CASD1: variants seen among roughly 807,000 people sequenced by gnomAD.
CASD1 encodes N-acetylneuraminate (7)9-O-acetyltransferase.
In CASD1, 41 loss-of-function variants were observed where a neutral mutation model predicts 100.0. The observed-to-expected ratio is 0.41, with a 90% CI of 0.32 to 0.53. The LOEUF is 0.53. Among genes scored for constraint, CASD1 ranks in the 20% least tolerant of loss-of-function variants. CASD1 has a pLI of 0.25. For synonymous variants in CASD1, 321 were observed against 315.6 expected (o/e 1.02, Z -0.18); for missense variants, 774 against 948.7 (o/e 0.82, Z 2.42).
At chr7:94,628,406 C>A in the CASD1 span, 1 of 1,494,790 alleles carries the variant, frequency 6.7e-7, no homozygotes, top group Non-Finnish European at 9.3e-7. Context: ...TATTTTCACA[C>A]ATGTTGCTTT....
chr7:94,630,025 ATGGG>A, the CASD1 span: 1 of 600,656 alleles, frequency 1.7e-6, no homozygotes, highest in Non-Finnish European at 2.8e-6. Flanking sequence ...TCAGGACAAA[ATGGG>A]AAAAAATTCT....
At position 94,545,686 on chromosome 7, in the gene CASD1, C is replaced by A. The variant is rs1562947241; in HGVS notation, c.1618C>A (p.Gln540Lys). 9 of 1,573,602 alleles carry A rather than the reference C, an allele frequency of 5.7e-6. No individual in the cohort carries two copies. The Admixed American group carries it at 7.3e-5, about 13-fold the overall frequency. ...VTLALWPQII[Q>K]KKANGNCFWH... is the part of the protein sequence containing the mutation. Reference sequence around the variant, plus strand: ...TTTAGCACTATGGCCACAAATAATCCAAAAAAAAGCAAACGGTAAATATAC... The same window carrying A: ...TTTAGCACTATGGCCACAAATAATCAAAAAAAAAGCAAACGGTAAATATAC... Residue 540 changes from glutamine to lysine, a missense_variant, in exon 12 of 18, where the codon CAA (glutamine) becomes AAA (lysine). Gln to Lys is a moderately conservative substitution (Grantham distance 53, BLOSUM62 1). Coordinates refer to ENST00000297273, the MANE Select transcript of CASD1 (RefSeq NM_022900.5).
intron 7 of CASD1, among the ~76,000 whole-genome samples, chr7:94,534,066 G>A (rs999749589): frequency 3.3e-5 from 5 of 150,428 alleles, no homozygotes; most frequent in African/African-American, 7.3e-5. Context: ...AGTCCTAAAC[G>A]CAAATGACAT....
At chr7:94,585,374 T>G in the CASD1 span, 2 of 856,094 alleles carry the variant, frequency 2.3e-6, no homozygotes, top group Non-Finnish European at 4.0e-6. Flanking sequence ...TGGTATACAC[T>G]TAATACTGCC....
the CASD1 span, among the ~76,000 whole-genome samples, chr7:94,579,269 A>T: frequency 1.3e-5 from 2 of 151,704 alleles, no homozygotes; most frequent in Non-Finnish European, 2.9e-5. Context: ...AGGCCAGTTT[A>T]TCTCAATCTT....
chr7:94,544,263 A>G (rs1268983824), intron 10 of CASD1, 148 bp from the exon 11 acceptor site: 1 of 951,570 alleles, frequency 1.1e-6, no homozygotes, highest in East Asian at 2.7e-5. Context: ...TCCTTGCTAT[A>G]ATGACTAACT....
the CASD1 span, among the ~76,000 whole-genome samples, chr7:94,572,267 A>G: frequency 7.9e-5 from 12 of 152,064 alleles, no homozygotes; most frequent in African/African-American, 2.2e-4. Context: ...TATTTTTCTG[A>G]TATCATATTC....
At chr7:94,581,571 C>A in the CASD1 span, among the ~76,000 whole-genome samples, 2 of 152,052 alleles carry the variant, frequency 1.3e-5, no homozygotes, top group Non-Finnish European at 2.9e-5. Flanking sequence ...GTTGTTACCC[C>A]CCATGTGTCC....
chr7:94,522,276 A>C (rs17166331), intron 3 of CASD1, among the ~76,000 whole-genome samples: 1 of 152,212 alleles, frequency 6.6e-6, no homozygotes, highest in African/African-American at 2.4e-5. Context: ...CCAGGTAAAT[A>C]CTAAAGAAAG....
chr7:94,595,906 A>G, the CASD1 span, among the ~76,000 whole-genome samples: 1 of 152,116 alleles, frequency 6.6e-6, no homozygotes. Context: ...ACGACACCGA[A>G]TGTAATTTAA....
intron 3 of CASD1, among the ~76,000 whole-genome samples, chr7:94,525,105 C>T (rs548967463): frequency 2.8e-5 from 4 of 141,544 alleles, no homozygotes; most frequent in African/African-American, 9.9e-5. Flanking sequence ...CATAGTTCAG[C>T]AAAAGAGAAA....
the CASD1 span, chr7:94,626,065 C>T: frequency 1.3e-5 from 2 of 152,068 alleles, no homozygotes; most frequent in Non-Finnish European, 1.5e-5. Flanking sequence ...TCTGAATATT[C>T]CTCATTACCC....
rs1485995076 is a variant in CASD1, at chr7:94,545,684, T to A, written c.1616T>A (p.Ile539Asn). The A allele has an allele frequency of 3.1e-6, 5 of 1,588,372 alleles. No homozygotes were observed. In the Admixed American group the frequency reaches 5.3e-5, roughly 17 times the overall value. ...ACTTTAGCACTATGGCCACAAATAA[T>A]CCAAAAAAAAGCAAACGGTAAATAT... ...YVTLALWPQI[I>N]QKKANGNCFW... Residue 539 changes from isoleucine to asparagine, a missense_variant, in exon 12 of 18, where the codon ATC becomes AAC. By Grantham distance (149) the Ile-to-Asn change is moderately radical (BLOSUM62 -3). Transcript: ENST00000297273.
chr7:94,551,500 A>C, intron 15 of CASD1, 22 bp downstream of exon 15: 1 of 1,242,836 alleles, frequency 8.0e-7, no homozygotes, highest in African/African-American at 1.6e-5. Flanking sequence ...AAACTTTCCA[A>C]AATTCTAAAT....
the CASD1 span, chr7:94,617,044 G>T: frequency 2.0e-5 from 3 of 152,332 alleles, no homozygotes; most frequent in South Asian, 6.2e-4. Context: ...TTGGGGGTCA[G>T]TCAGTTAGTG....
the CASD1 span, chr7:94,598,884 A>G: frequency 6.2e-7 from 1 of 1,613,662 alleles, no homozygotes. Context: ...GACAGGGGCC[A>G]TGCTATCTCT....
In CASD1 at chr7:94,540,643, A is replaced by G. The variant is rs115875064; in HGVS notation, c.1356+1587A>G. ...TTTGAGTCATTATGAAAGAGCCAAGATAGTGTAAATGATCCAAGGCAAGGA... is the reference window on the plus strand; with the variant it reads ...TTTGAGTCATTATGAAAGAGCCAAGGTAGTGTAAATGATCCAAGGCAAGGA... On this transcript the variant is annotated intron_variant, in intron 10 of 17. Coordinates refer to ENST00000297273, the MANE Select transcript of CASD1 (RefSeq NM_022900.5). 3.9e-3 allele frequency among the ~76,000 whole-genome samples: 590 copies of G among 152,258 alleles called. 4 individuals carry two copies. The highest frequency in any genetic ancestry group is 0.013 in the African/African-American group (557 of 41,580).
chr7:94,603,560 G>C, the CASD1 span: 1 of 1,009,914 alleles, frequency 9.9e-7, no homozygotes, highest in South Asian at 1.4e-5. Flanking sequence ...AGATTAACTA[G>C]ACTCATCCCT....
chr7:94,557,649 T>C (rs1162156789), downstream of CASD1, among the ~76,000 whole-genome samples: 1 of 152,118 alleles, frequency 6.6e-6, no homozygotes, highest in Non-Finnish European at 1.5e-5. Flanking sequence ...AGTGAATATA[T>C]GCTTTTCTCT....
Sources: allele counts gnomAD v4.1 joint callset (sites outside exome capture counted in the v4.1 genomes callset), GRCh38; gene constraint gnomAD v4.1.1; transcripts MANE v1.5; gene names NCBI Gene and HGNC (gene_info 2026-07-23, HGNC 2026-07-21).